The following OTOP1 variants were observed in gnomAD, a reference collection of about 807,000 sequenced individuals.
OTOP1 encodes otopetrin 1.
A neutral mutation model predicts 52.9 loss-of-function variants in OTOP1; 59 were observed. That is an observed-to-expected ratio of 1.12 (90% CI 0.91 to 1.39). OTOP1 has a LOEUF of 1.39. OTOP1 is among the 40% of genes most tolerant of loss of function. OTOP1 has a pLI of 0.00. For missense variants in OTOP1, 761 were observed against 800.9 expected (o/e 0.95, Z 0.60); for synonymous variants, 317 against 337.7 (o/e 0.94, Z 0.67).
At chr4:4,208,888 C>T (rs145762250) in intron 2 of OTOP1, among the ~76,000 whole-genome samples, 1 of 152,102 alleles carries the variant, frequency 6.6e-6, no homozygotes, top group African/African-American at 2.4e-5. Flanking sequence ...AGGCCACCAG[C>T]GCATTCGGTG....
At chr4:4,213,991 G>A (rs1235365798) in intron 1 of OTOP1, among the ~76,000 whole-genome samples, 1 of 152,156 alleles carries the variant, frequency 6.6e-6, no homozygotes, top group Non-Finnish European at 1.5e-5. Flanking sequence ...TTGGGATGCT[G>A]AGGCAGGAGA....
intron 3 of OTOP1, among the ~76,000 whole-genome samples, chr4:4,204,849 G>T (rs1716864662): frequency 6.6e-6 from 1 of 151,948 alleles, no homozygotes; most frequent in African/African-American, 2.4e-5. Flanking sequence ...TCGGCTCACT[G>T]CAACCTCTGC....
chr4:4,189,026 C>T (rs774356515), intron 5 of OTOP1, 53 bp from the exon 6 acceptor site: 220 of 1,552,782 alleles, frequency 1.4e-4, no homozygotes, highest in East Asian at 2.9e-4. Flanking sequence ...CAAGCCACCA[C>T]GGAGGCCCCA....
chr4:4,198,309 A>C (rs1000830477), intron 4 of OTOP1, among the ~76,000 whole-genome samples: 8 of 152,184 alleles, frequency 5.3e-5, no homozygotes, highest in African/African-American at 1.4e-4. Flanking sequence ...TCATTACCTA[A>C]ATCACATTCA....
intron 1 of OTOP1, among the ~76,000 whole-genome samples, chr4:4,225,894 G>A (rs1249848255): frequency 6.6e-6 from 1 of 152,162 alleles, no homozygotes; most frequent in East Asian, 1.9e-4. Context: ...GAAGGGGGTC[G>A]GAGAAGCTTC....
chr4:4,209,568 C>T (rs539389399), intron 2 of OTOP1, among the ~76,000 whole-genome samples: 9 of 152,260 alleles, frequency 5.9e-5, no homozygotes, highest in African/African-American at 1.9e-4. Flanking sequence ...GAGGTGAAGC[C>T]CAAGCCCCTA....
At position 4,197,482 on chromosome 4, in the gene OTOP1, G is replaced by A. The variant is rs951883306; in HGVS notation, c.1352C>T (p.Pro451Leu). 10 of 1,613,960 alleles carry A rather than the reference G, an allele frequency of 6.2e-6. No individual in the cohort carries two copies. Among genetic ancestry groups the A allele is most frequent in the Non-Finnish European group, 7.6e-6 (9 of 1,180,020 alleles). ...TTGGATGTCCTCAGAGAGTTTTTCA[G>A]GCTCTCGGTGAATGGATTCAAAGAT... is the stretch of plus-strand genomic sequence containing the variant. ...LFIFESIHREPEKLSEDIQTL... is the reference protein window; with the variant it reads ...LFIFESIHRELEKLSEDIQTL... Residue 451 changes from proline (P) to leucine (L), a missense_variant, in exon 5 of 6, where the codon CCT becomes CTT. Transcript: ENST00000296358.
intron 5 of OTOP1, among the ~76,000 whole-genome samples, chr4:4,191,427 C>T (rs985824043): frequency 3.9e-5 from 6 of 152,188 alleles, no homozygotes; most frequent in African/African-American, 1.2e-4. Context: ...AAAGTAAAAT[C>T]TACACTCCCG....
At chr4:4,222,485 C>T (rs1229850853) in intron 1 of OTOP1, among the ~76,000 whole-genome samples, 5 of 152,290 alleles carry the variant, frequency 3.3e-5, no homozygotes, top group African/African-American at 1.2e-4. Flanking sequence ...AGACCCTCCA[C>T]ACACAGTCTG....
chr4:4,190,803 G>C (rs190140093), intron 5 of OTOP1, among the ~76,000 whole-genome samples: 1 of 152,118 alleles, frequency 6.6e-6, no homozygotes, highest in Admixed American at 6.6e-5. Flanking sequence ...TCTCCTACCT[G>C]TTTGGCGGGT....
chr4:4,196,784 TA>T (rs1369965773), intron 5 of OTOP1, among the ~76,000 whole-genome samples: 3 of 152,132 alleles, frequency 2.0e-5, no homozygotes, highest in Middle Eastern at 3.2e-3. Context: ...TATGCAGCCT[TA>T]AAAAAGAATG....
At chr4:4,195,986 G>T (rs761656919) in intron 5 of OTOP1, among the ~76,000 whole-genome samples, 15 of 152,150 alleles carry the variant, frequency 9.9e-5, no homozygotes, top group Non-Finnish European at 1.8e-4. Context: ...TCAGTAGGTA[G>T]ATTTGTAGAA....
chr4:4,209,658 T>A (rs1009703406), intron 2 of OTOP1, among the ~76,000 whole-genome samples: 1 of 152,076 alleles, frequency 6.6e-6, no homozygotes, highest in South Asian at 2.1e-4. Flanking sequence ...GTGCCTTTAA[T>A]CTCTACAATG....
At chr4:4,214,697 A>T (rs550330839) in intron 1 of OTOP1, among the ~76,000 whole-genome samples, 1 of 152,354 alleles carries the variant, frequency 6.6e-6, no homozygotes, top group East Asian at 1.9e-4. Flanking sequence ...AATAAACTCA[A>T]CCACCAAAGG....
Position 4,202,750 on chromosome 4 carries a change from C to T in OTOP1, c.600-172G>A, listed in dbSNP as rs1470578976. On this transcript the variant is annotated intron_variant, in intron 3 of 5. Transcript: ENST00000296358. Reference sequence around the variant, plus strand: ...CCTGCCTGGCTGGGTGGGGCAGATCCATAGAACCTTCCAAAACCACAGAAT... The same window carrying T: ...CCTGCCTGGCTGGGTGGGGCAGATCTATAGAACCTTCCAAAACCACAGAAT... 2.0e-5 allele frequency among the ~76,000 whole-genome samples: 3 copies of T among 152,326 alleles called. No individual in the cohort carries two copies. The East Asian group carries it at 5.8e-4, about 29-fold the overall frequency.
At position 4,226,422 on chromosome 4, in the gene OTOP1, C is replaced by CGAG. The variant is rs574070281; in HGVS notation, c.403+37_403+39dup. 11,995 of 1,388,926 alleles carry CGAG rather than the reference C, an allele frequency of 8.6e-3. 56 individuals carry two copies. The highest frequency in any genetic ancestry group is 0.01 in the Non-Finnish European group (11,248 of 1,075,730). The allele number at this position is 1,388,926 out of a possible 1,614,324, so 86.0% of individuals were successfully genotyped here. On this transcript the variant is annotated intron_variant, in intron 1 of 5. Coordinates refer to ENST00000296358, the MANE Select transcript of OTOP1 (RefSeq NM_177998.3). ...GCAGCCTCAGGATGCAGCCAGCGGG[C>CGAG]GAGGAGGCGGAGACCCGCTCGCCCG...
At chr4:4,196,655 G>T (rs1452643062) in intron 5 of OTOP1, among the ~76,000 whole-genome samples, 1 of 152,150 alleles carries the variant, frequency 6.6e-6, no homozygotes, top group African/African-American at 2.4e-5. Flanking sequence ...TTGAGCCCAG[G>T]AGGTCGAAGC....
At chr4:4,210,536 A>G (rs940380569) in intron 2 of OTOP1, among the ~76,000 whole-genome samples, 1 of 152,108 alleles carries the variant, frequency 6.6e-6, no homozygotes, top group African/African-American at 2.4e-5. Flanking sequence ...TCCTCTTCTT[A>G]TAAAGACACC....
At chr4:4,205,743 A>C (rs1716891740) in intron 3 of OTOP1, among the ~76,000 whole-genome samples, 1 of 152,236 alleles carries the variant, frequency 6.6e-6, no homozygotes, top group African/African-American at 2.4e-5. Flanking sequence ...CTCAACTGAG[A>C]ACTTATGACG....
Sources: allele counts gnomAD v4.1 joint callset (sites outside exome capture counted in the v4.1 genomes callset), GRCh38; gene constraint gnomAD v4.1.1; transcripts MANE v1.5; gene names NCBI Gene and HGNC (gene_info 2026-07-23, HGNC 2026-07-21).